The following SREBF2 variants were observed in gnomAD, a reference collection of about 807,000 sequenced individuals.
SREBF2 encodes sterol regulatory element-binding protein 2.
SREBF2 carries 55 observed loss-of-function variants against 113.1 expected under a neutral mutation model. That is an observed-to-expected ratio of 0.49 (90% confidence interval 0.39 to 0.61). The LOEUF (loss-of-function observed/expected upper bound fraction) is 0.61, where lower values mean the gene tolerates loss of function less well. Among genes scored for constraint, SREBF2 ranks in the 20% least tolerant of loss-of-function variants. The pLI, the probability that SREBF2 is intolerant of heterozygous loss-of-function variation, is 0.00. For missense variants in SREBF2, 1,349 were observed against 1,487.4 expected (o/e 0.91, Z 1.53); for synonymous variants, 593 against 605.7 (o/e 0.98, Z 0.31).
At chr22:41,896,657 C>A (rs1054476754) in intron 13 of SREBF2, among the ~76,000 whole-genome samples, 1 of 152,204 alleles carries the variant, frequency 6.6e-6, no homozygotes, top group African/African-American at 2.4e-5. Flanking sequence ...CCGTGCCCGG[C>A]CCCAAAGTCA....
intron 17 of SREBF2, among the ~76,000 whole-genome samples, chr22:41,903,616 C>T (rs938031692): frequency 2.0e-5 from 3 of 152,244 alleles, no homozygotes; most frequent in African/African-American, 7.2e-5. Context: ...AACTAAGTCA[C>T]GGAGGAAAGT....
At chr22:41,889,071 C>G (rs909268018) in intron 11 of SREBF2, among the ~76,000 whole-genome samples, 10 of 152,168 alleles carry the variant, frequency 6.6e-5, no homozygotes, top group African/African-American at 2.4e-4. Flanking sequence ...TCTCTACTCA[C>G]TATGTCTCAG....
chr22:41,905,673 G>A lies in SREBF2; in HGVS notation c.*13G>A. On this transcript the variant is annotated 3_prime_UTR_variant, in exon 19 of 19. Transcript: ENST00000361204. ...TGCCGCCTCCTGACCACCAGGCTCA[G>A]CCCACCCCTCCACCTCTCTCTCGAT... 1 of 1,562,174 alleles carries A rather than the reference G, an allele frequency of 6.4e-7. No individual in the cohort carries two copies. The highest frequency in any genetic ancestry group is 8.7e-7 in the Non-Finnish European group (1 of 1,153,378).
chr22:41,904,966 C>G lies in SREBF2; in HGVS notation c.3197C>G (p.Thr1066Ser), dbSNP rs1394014889. The change falls in exon 18 of 19, where the codon ACC becomes AGC. Residue 1066 changes from threonine to serine, a missense_variant. Around this residue, in one of 2 missense-constraint regions of SREBF2, gnomAD observed 650 missense variants for 644.1 expected, o/e 1.01. Coordinates refer to ENST00000361204, the MANE Select transcript of SREBF2 (RefSeq NM_004599.4). ...HSLRRRTTQS[T>S]KHGEVDAWPG... ...CTGCGGCGGCGCACCACGCAGAGCA[C>G]CAAGCACGGTGAGTCCACCCCTCCC... is the stretch of plus-strand genomic sequence containing the variant. The G allele has an allele frequency of 6.3e-7, 1 of 1,593,722 alleles. No homozygotes were observed. Among genetic ancestry groups the G allele is most frequent in the East Asian group, 2.3e-5 (1 of 44,424 alleles).
intron 1 of SREBF2, among the ~76,000 whole-genome samples, chr22:41,851,342 C>T (rs2076928455): frequency 6.6e-6 from 1 of 151,824 alleles, no homozygotes; most frequent in Non-Finnish European, 1.5e-5. Flanking sequence ...GGATTTTCCC[C>T]TTTTTAAATT....
In SREBF2 at chr22:41,833,187, GGGTGT is replaced by G; in HGVS notation, c.-83_-79del. On this transcript the variant is annotated 5_prime_UTR_variant, in exon 1 of 19. Transcript: ENST00000361204. This position sits in a 1 kb window ranked among gnomAD's most constrained non-coding sequence, Gnocchi z 4.1. Reference sequence around the variant, plus strand: ...GAGGCGGTGCCGGGCGGGGGTTGTCGGGTGTCATGGGCGGTGGCGACGGCACCGCC... The same window carrying G: ...GAGGCGGTGCCGGGCGGGGGTTGTCGCATGGGCGGTGGCGACGGCACCGCC... 3.6e-6 allele frequency: 4 copies of G among 1,099,712 alleles called. No homozygotes were observed. Among genetic ancestry groups the G allele is most frequent in the Non-Finnish European group, 5.0e-6 (4 of 798,544 alleles). The allele number at this position is 1,099,712 out of a possible 1,614,324, so 68.1% of individuals were successfully genotyped here.
At chr22:41,878,155 C>G in intron 9 of SREBF2, 32 bp downstream of exon 9, 1 of 1,612,416 alleles carries the variant, frequency 6.2e-7, no homozygotes, top group South Asian at 1.1e-5. Context: ...CCCCATCCTC[C>G]CCCAGACTTG....
chr22:41,897,255 A>G (rs1485592441), intron 14 of SREBF2, 94 bp downstream of exon 14: 3 of 735,788 alleles, frequency 4.1e-6, no homozygotes, highest in African/African-American at 1.8e-5. Flanking sequence ...AGGAGTGTAG[A>G]TGCCAGCATC....
chr22:41,865,365 GAGAGAAA>G (rs2077065433), intron 1 of SREBF2, among the ~76,000 whole-genome samples: 1 of 152,184 alleles, frequency 6.6e-6, no homozygotes, highest in Non-Finnish European at 1.5e-5. Context: ...ACGTATTGGA[GAGAGAAA>G]AGAGAAAAGA....
At chr22:41,842,592 T>C (rs142660147) in intron 1 of SREBF2, among the ~76,000 whole-genome samples, 2 of 152,350 alleles carry the variant, frequency 1.3e-5, no homozygotes, top group East Asian at 3.9e-4. Flanking sequence ...CTTTCACACA[T>C]GTGCAAGTCT....
chr22:41,864,943 A>G (rs2077061569), intron 1 of SREBF2, among the ~76,000 whole-genome samples: 1 of 151,734 alleles, frequency 6.6e-6, no homozygotes, highest in Non-Finnish European at 1.5e-5. Context: ...ACAGAGCAAT[A>G]CCCTATCTCA....
chr22:41,902,902 G>T (rs550989424), intron 16 of SREBF2, 68 bp from the exon 17 acceptor site: 83 of 1,517,496 alleles, frequency 5.5e-5, no homozygotes, highest in Non-Finnish European at 7.1e-5. Flanking sequence ...GGCCTGGTAG[G>T]TGCTAGGATC....
Position 41,833,616 on chromosome 22 carries a change from C to T in SREBF2, c.88+258C>T, listed in dbSNP as rs1294540060. 3 of 400,174 alleles carry T rather than the reference C, an allele frequency of 7.5e-6. No homozygotes were observed. Among genetic ancestry groups the T allele is most frequent in the Middle Eastern group, 6.5e-4 (1 of 1,546 alleles). 24.8% of individuals were successfully genotyped at this position (400,174 alleles called of 1,614,324 possible). On this transcript the variant is annotated intron_variant, in intron 1 of 18. Coordinates refer to ENST00000361204, the MANE Select transcript of SREBF2 (RefSeq NM_004599.4). The surrounding 1 kb of genome is among the most constrained non-coding windows in gnomAD (Gnocchi z 4.1). ...GGCGCGAGGGTCGCGGGTTCCAGAG[C>T]GCGGGGCTAGGGACGTCGCGGGGGC...
rs1422135709 is a variant in SREBF2, at chr22:41,867,040, TTC to T, written c.303_304del (p.Pro102LeufsTer75). 6.2e-7 allele frequency: 1 copy of T among 1,614,166 alleles called. No individual in the cohort carries two copies. The highest frequency in any genetic ancestry group is 8.5e-7 in the Non-Finnish European group (1 of 1,180,038). ...RSFTQVTLPS[F>X]SPSAASPQAP... is the part of the protein sequence containing the mutation. Reference sequence around the variant, plus strand: ...ATTCACCCAGGTCACATTACCTTCCTTCTCTCCCTCGGCGGCCTCCCCACAGG... The same window carrying T: ...ATTCACCCAGGTCACATTACCTTCCTTCTCCCTCGGCGGCCTCCCCACAGG... On this transcript the variant is annotated frameshift_variant, in exon 2 of 19. Transcript: ENST00000361204. LOFTEE classifies it high-confidence loss of function.
chr22:41,905,092 C>T, intron 18 of SREBF2, 118 bp downstream of exon 18: 2 of 1,007,418 alleles, frequency 2.0e-6, no homozygotes, highest in Non-Finnish European at 2.9e-6. Context: ...CACCTCTCGC[C>T]TCTCTGAGAA....
chr22:41,835,681 G>A (rs1462590901), intron 1 of SREBF2, among the ~76,000 whole-genome samples: 1 of 152,056 alleles, frequency 6.6e-6, no homozygotes, highest in South Asian at 2.1e-4. Flanking sequence ...AGGCTGGAGT[G>A]CAGTGGCACA....
At chr22:41,868,216 G>T (rs945678807) in intron 2 of SREBF2, among the ~76,000 whole-genome samples, 1 of 152,110 alleles carries the variant, frequency 6.6e-6, no homozygotes, top group Admixed American at 6.6e-5. Flanking sequence ...TGGGACAGGT[G>T]GGGGAATGTA....
intron 11 of SREBF2, among the ~76,000 whole-genome samples, chr22:41,890,022 A>G (rs370372294): frequency 1.0e-3 from 153 of 152,110 alleles, no homozygotes; most frequent in African/African-American, 3.5e-3. Context: ...AATATTTTGG[A>G]TTCTTAATAA....
At position 41,878,087 on chromosome 22, in the gene SREBF2, G is replaced by A; in HGVS notation, c.1725G>A (p.Trp575Ter). The change falls in exon 9 of 19, where the codon TGG (tryptophan) becomes TGA (stop). Residue 575 changes from tryptophan (W) to a stop codon, truncating the protein, a stop_gained. Coordinates refer to ENST00000361204, the MANE Select transcript of SREBF2 (RefSeq NM_004599.4). LOFTEE classifies it high-confidence loss of function. ...ACTCGCGCTCCTCGGTCACCTTCTGGAGGCACCGGAAACAGGCAGATCTGG... is the reference window on the plus strand; with the variant it reads ...ACTCGCGCTCCTCGGTCACCTTCTGAAGGCACCGGAAACAGGCAGATCTGG... ...RPHSRSSVTFWRHRKQADLDL... is the reference protein window; with the variant it reads ...RPHSRSSVTF 1 of 1,614,176 alleles carries A rather than the reference G, an allele frequency of 6.2e-7. No homozygotes were observed. Among genetic ancestry groups the A allele is most frequent in the Non-Finnish European group, 8.5e-7 (1 of 1,180,042 alleles).
Sources: gnomAD v4.1 joint callset for allele counts (sites outside exome capture counted in the v4.1 genomes callset) on GRCh38, gnomAD v4.1.1 for gene constraint, gnomAD v4.1.1 regional missense constraint, Gnocchi (gnomAD v3.1) non-coding constraint, MANE v1.5 for transcripts, NCBI Gene and HGNC (gene_info 2026-07-23, HGNC 2026-07-21) for gene names.